The following FSTL5 variants were observed in gnomAD, a reference collection of about 807,000 sequenced individuals.
FSTL5 encodes the protein follistatin-related protein 5.
FSTL5 carries 62 observed loss-of-function variants against 89.1 expected under a neutral mutation model. That is an observed-to-expected ratio of 0.70 (90% CI 0.57 to 0.86). The LOEUF is 0.86. Among genes scored for constraint, FSTL5 ranks in the 40% least tolerant of loss-of-function variants. The probability of loss-of-function intolerance (pLI) is 0.00; values close to 1 mark genes in which losing one functional copy is unlikely to be tolerated. For synonymous variants in FSTL5, 383 were observed against 346.2 expected (o/e 1.11, Z -1.18); for missense variants, 1,057 against 1,001.6 (o/e 1.06, Z -0.75).
chr4:161,725,194 A>C (rs916805280), intron 6 of FSTL5, among the ~76,000 whole-genome samples: 1 of 151,800 alleles, frequency 6.6e-6, no homozygotes, highest in African/African-American at 2.4e-5. Flanking sequence ...AATAAACATA[A>C]AAAAAAATAA....
chr4:161,639,767 G>C (rs78045100), intron 7 of FSTL5, among the ~76,000 whole-genome samples: 6,826 of 152,182 alleles, frequency 0.045, 222 homozygotes, highest in Non-Finnish European at 0.065. Context: ...CAGCTTACAG[G>C]AGCCATGGCT....
At chr4:162,057,264 T>G in intron 2 of FSTL5, among the ~76,000 whole-genome samples, 1 of 152,186 alleles carries the variant, frequency 6.6e-6, no homozygotes, top group South Asian at 2.1e-4. Context: ...TGCTCATTCC[T>G]TTTTAATCTA....
chr4:161,482,024 T>TA (rs1408058923), intron 12 of FSTL5, among the ~76,000 whole-genome samples: 4 of 152,120 alleles, frequency 2.6e-5, no homozygotes, highest in African/African-American at 9.7e-5. Context: ...AAAATGTACA[T>TA]AAAATGTATG....
At position 161,705,969 on chromosome 4, in the gene FSTL5, T is replaced by G. The variant is rs1410763996; in HGVS notation, c.728-49475A>C. The stretch of plus-strand genomic sequence containing the variant: ...AGATGTGTGTATATATATATATATA[T>G]ATATATATATATATATATATATATA... On this transcript the variant is annotated intron_variant, in intron 6 of 15. Coordinates refer to ENST00000306100, the MANE Select transcript of FSTL5 (RefSeq NM_020116.5). Among the ~76,000 whole-genome samples the G allele has an allele frequency of 1.1e-3, 79 of 72,982 alleles. 2 individuals carry two copies. Among genetic ancestry groups the G allele is most frequent in the African/African-American group, 4.4e-3 (69 of 15,568 alleles). The allele number at this position is 72,982 out of a possible 152,430, so 47.9% of individuals were successfully genotyped here.
At chr4:161,834,731 A>G (rs940389390) in intron 4 of FSTL5, among the ~76,000 whole-genome samples, 1 of 152,178 alleles carries the variant, frequency 6.6e-6, no homozygotes, top group Non-Finnish European at 1.5e-5. Context: ...ATGCCTAGGA[A>G]TCCAACTTAC....
In FSTL5 at chr4:161,430,735, G is replaced by A. The variant is rs61324268; in HGVS notation, c.1841+24269C>T. ...AGCCTGGGCGACAGAGCGCGACTCC[G>A]TCAGAAAACAAAAACAAAAACAAAA... On this transcript the variant is annotated intron_variant, in intron 15 of 15. Transcript: ENST00000306100. 7.4e-3 allele frequency among the ~76,000 whole-genome samples: 1,118 copies of A among 152,086 alleles called. 17 individuals carry two copies. Among genetic ancestry groups the A allele is most frequent in the African/African-American group, 0.025 (1,023 of 41,508 alleles).
chr4:161,745,965 A>T (rs756364104), intron 6 of FSTL5, among the ~76,000 whole-genome samples: 4 of 152,184 alleles, frequency 2.6e-5, no homozygotes, highest in Non-Finnish European at 4.4e-5. Context: ...TAAAAAACAA[A>T]TGTTAAATTT....
chr4:161,709,784 C>A (rs1304419948), intron 6 of FSTL5, among the ~76,000 whole-genome samples: 3 of 151,382 alleles, frequency 2.0e-5, no homozygotes, highest in Non-Finnish European at 4.4e-5. Context: ...CAGAGCAAGA[C>A]CCTGTTTAAA....
Position 161,538,437 on chromosome 4 carries a change from C to T in FSTL5, c.1178-137G>A, listed in dbSNP as rs1049097819. 20 of 903,672 alleles carry T rather than the reference C, an allele frequency of 2.2e-5. No individual in the cohort carries two copies. The East Asian group carries it at 4.9e-4, about 22-fold the overall frequency. 56.0% of individuals were successfully genotyped at this position (903,672 alleles called of 1,614,324 possible). ...CCTTCCTACTTCCATACTTTGAAGGCATGCCAAATTATTCCAGAAGCATTC... is the reference window on the plus strand; with the variant it reads ...CCTTCCTACTTCCATACTTTGAAGGTATGCCAAATTATTCCAGAAGCATTC... On this transcript the variant is annotated intron_variant, in intron 9 of 15. Transcript: ENST00000306100.
chr4:161,520,042 C>A (rs1414542738), intron 10 of FSTL5, among the ~76,000 whole-genome samples: 2 of 151,956 alleles, frequency 1.3e-5, no homozygotes, highest in East Asian at 1.9e-4. Context: ...AGAAAAGTAT[C>A]CAAAATAAAA....
chr4:162,083,769 T>A (rs1233920273), intron 2 of FSTL5, among the ~76,000 whole-genome samples: 1 of 151,560 alleles, frequency 6.6e-6, no homozygotes, highest in Admixed American at 6.6e-5. Flanking sequence ...ATAGGCACAA[T>A]CAACGTTAGG....
At chr4:161,532,141 C>T (rs887888967) in intron 10 of FSTL5, among the ~76,000 whole-genome samples, 1 of 151,040 alleles carries the variant, frequency 6.6e-6, no homozygotes, top group African/African-American at 2.4e-5. Context: ...GGAGGCAGAG[C>T]TTACAGTGAG....
intron 4 of FSTL5, among the ~76,000 whole-genome samples, chr4:161,805,388 C>T (rs779697178): frequency 1.3e-5 from 2 of 152,102 alleles, no homozygotes; most frequent in African/African-American, 2.4e-5. Context: ...TAGAAAACCA[C>T]TGAAGCATTT....
rs181665831 is a variant in FSTL5 at position 161,939,051 on chromosome 4, G to C, written c.161-18399C>G. Among the ~76,000 whole-genome samples the C allele has an allele frequency of 3.5e-4, 53 of 151,618 alleles. 1 individual carries two copies. Among genetic ancestry groups the C allele is most frequent in the African/African-American group, 1.2e-3 (51 of 41,414 alleles). ...GTCACAGAGAAAGAGAATGACATTG[G>C]GTATAGTATATCACTTTTCTAGTTT... On this transcript the variant is annotated intron_variant, in intron 3 of 15. Transcript: ENST00000306100.
chr4:161,813,362 A>G (rs952064333), intron 4 of FSTL5, among the ~76,000 whole-genome samples: 1 of 152,080 alleles, frequency 6.6e-6, no homozygotes, highest in African/African-American at 2.4e-5. Flanking sequence ...GGCCAACTCT[A>G]TTGCCACATT....
chr4:162,159,699 C>T (rs1733619924), intron 1 of FSTL5, among the ~76,000 whole-genome samples: 1 of 152,058 alleles, frequency 6.6e-6, no homozygotes, highest in Non-Finnish European at 1.5e-5. Flanking sequence ...AGGAAGTAAA[C>T]TTGATGTTTT....
chr4:161,527,438 A>C (rs1366333971), intron 10 of FSTL5, among the ~76,000 whole-genome samples: 2 of 152,230 alleles, frequency 1.3e-5, no homozygotes, highest in Non-Finnish European at 2.9e-5. Context: ...GAACTCAAAC[A>C]AATTTACAAG....
chr4:161,698,024 C>T (rs1167302309), intron 6 of FSTL5, among the ~76,000 whole-genome samples: 1 of 151,912 alleles, frequency 6.6e-6, no homozygotes, highest in Non-Finnish European at 1.5e-5. Flanking sequence ...ATCCTAACCC[C>T]CAATGTGATG....
chr4:161,393,247 G>A (rs979670760), intron 15 of FSTL5, among the ~76,000 whole-genome samples: 1 of 151,730 alleles, frequency 6.6e-6, no homozygotes, highest in African/African-American at 2.4e-5. Context: ...ACATGCAAGA[G>A]AGAGATAGTA....
Sources: allele counts gnomAD v4.1 joint callset (sites outside exome capture counted in the v4.1 genomes callset), GRCh38; gene constraint gnomAD v4.1.1; transcripts MANE v1.5; gene names NCBI Gene and HGNC (gene_info 2026-07-23, HGNC 2026-07-21).